Variants in MCC observed in about 807,000 individuals in gnomAD.
The protein encoded by MCC is colorectal mutant cancer protein.
In MCC, 90 loss-of-function variants were observed where a neutral mutation model predicts 116.2. The ratio of observed to expected loss-of-function variants is 0.77; its 90% confidence interval spans 0.65 to 0.92. The LOEUF (loss-of-function observed/expected upper bound fraction) is 0.92, where lower values mean the gene tolerates loss of function less well. Among genes scored for constraint, MCC ranks in the 40% least tolerant of loss-of-function variants. MCC has a pLI of 0.00. For missense variants in MCC, 1,516 were observed against 1,312.2 expected, an observed-to-expected ratio of 1.16 and a Z score of -2.40; for synonymous variants, 578 against 510.5, an observed-to-expected ratio of 1.13 and a Z score of -1.78.
chr5:113,410,695 T>C (rs1393713816), intron 1 of MCC, among the ~76,000 whole-genome samples: 1 of 152,216 alleles, frequency 6.6e-6, no homozygotes, highest in Non-Finnish European at 1.5e-5. Flanking sequence ...CCATGTCGGA[T>C]TGCTGCACCC....
At chr5:113,432,611 C>T (rs1041346662) in intron 1 of MCC, 7 of 152,216 alleles carry the variant, frequency 4.6e-5, no homozygotes, top group Non-Finnish European at 7.3e-5. Flanking sequence ...GATTAACCAA[C>T]TTGCCCAAGA....
At chr5:113,229,669 T>C (rs1763870851) in intron 3 of MCC, among the ~76,000 whole-genome samples, 2 of 152,240 alleles carry the variant, frequency 1.3e-5, no homozygotes, top group African/African-American at 2.4e-5. Context: ...AGGCCACATA[T>C]ACAACGGTGG....
chr5:113,481,649 G>A (rs1772381117), intron 1 of MCC, among the ~76,000 whole-genome samples: 2 of 152,168 alleles, frequency 1.3e-5, no homozygotes, highest in Admixed American at 1.3e-4. Flanking sequence ...TGAGGCAGAA[G>A]AATCGCTTGA....
chr5:113,424,853 T>C (rs1485116055), intron 1 of MCC, among the ~76,000 whole-genome samples: 3 of 149,022 alleles, frequency 2.0e-5, no homozygotes, highest in Admixed American at 6.7e-5. Flanking sequence ...TCCCAGAAAA[T>C]AGAACAGCAA....
chr5:113,437,038 G>T (rs1770884690), intron 1 of MCC: 1 of 151,356 alleles, frequency 6.6e-6, no homozygotes, highest in East Asian at 1.9e-4. Context: ...ATCTTCTGGG[G>T]CTGTCCTGGG....
At chr5:113,416,093 C>A (rs114329666) in intron 1 of MCC, among the ~76,000 whole-genome samples, 4,884 of 152,266 alleles carry the variant, frequency 0.032, 107 homozygotes, top group East Asian at 0.075. Context: ...TGGATATCAC[C>A]AGCAGAGGCT....
intron 3 of MCC, among the ~76,000 whole-genome samples, chr5:113,156,199 G>A (rs1269743166): frequency 3.3e-5 from 5 of 152,172 alleles, no homozygotes; most frequent in East Asian, 1.9e-4. Flanking sequence ...TATACAAAGC[G>A]CTATGAAGTT....
At chr5:113,046,447 T>C (rs4235776) in intron 16 of MCC, among the ~76,000 whole-genome samples, 148,672 of 152,066 alleles carry the variant, frequency 0.98, 72,684 homozygotes, top group East Asian at 1. Flanking sequence ...CCGCCTCGGG[T>C]TCCCAAAGTA....
chr5:113,100,342 T>C (rs766073940), intron 8 of MCC, among the ~76,000 whole-genome samples: 2 of 152,034 alleles, frequency 1.3e-5, no homozygotes, highest in Non-Finnish European at 2.9e-5. Flanking sequence ...AAAAACAAAA[T>C]GATGTACACA....
intron 5 of MCC, among the ~76,000 whole-genome samples, chr5:113,131,462 A>G (rs567491951): frequency 6.6e-6 from 1 of 152,166 alleles, no homozygotes; most frequent in Non-Finnish European, 1.5e-5. Context: ...CCTTATGTAT[A>G]AAGTGTTTAG....
intron 3 of MCC, among the ~76,000 whole-genome samples, chr5:113,172,549 C>G (rs1183387384): frequency 6.6e-6 from 1 of 152,158 alleles, no homozygotes; most frequent in East Asian, 1.9e-4. Flanking sequence ...GTTCTTTCCC[C>G]ACCTCTTACA....
At chr5:113,258,096 G>A (rs777501770) in intron 3 of MCC, among the ~76,000 whole-genome samples, 10 of 152,180 alleles carry the variant, frequency 6.6e-5, no homozygotes, top group Admixed American at 5.2e-4. Flanking sequence ...GTGAATGAGA[G>A]AGAGCTTCCC....
At chr5:113,215,847 A>G (rs1214149578) in intron 3 of MCC, among the ~76,000 whole-genome samples, 1 of 150,856 alleles carries the variant, frequency 6.6e-6, no homozygotes, top group Non-Finnish European at 1.5e-5. Flanking sequence ...GCCAAGTTGA[A>G]GCCATTAGTT....
At chr5:113,395,947 C>T (rs1239720579) in intron 1 of MCC, among the ~76,000 whole-genome samples, 1 of 152,146 alleles carries the variant, frequency 6.6e-6, no homozygotes, top group Non-Finnish European at 1.5e-5. Context: ...TGTTAAAAGG[C>T]TTCCTAAGTA....
rs576662224 is a variant in MCC at position 113,229,162 on chromosome 5, C to T, written c.628-77740G>A. 1.2e-4 allele frequency among the ~76,000 whole-genome samples: 18 copies of T among 152,134 alleles called. No homozygotes were observed. The South Asian group carries it at 3.7e-3, about 32-fold the overall frequency. On this transcript the variant is annotated intron_variant, in intron 3 of 18. Transcript: ENST00000408903. ...AGGACAGGGCTTTAGGACATCCCAACATGGCGGATGGGGAGGGGCTGAAGA... is the reference window on the plus strand; with the variant it reads ...AGGACAGGGCTTTAGGACATCCCAATATGGCGGATGGGGAGGGGCTGAAGA...
chr5:113,050,449 T>C (rs546414305), intron 15 of MCC, among the ~76,000 whole-genome samples: 61 of 152,016 alleles, frequency 4.0e-4, no homozygotes, highest in African/African-American at 1.4e-3. Flanking sequence ...CCTGGGTAAG[T>C]TGGACTAGGG....
chr5:113,277,240 C>T (rs1202082953), intron 3 of MCC, among the ~76,000 whole-genome samples: 2 of 151,352 alleles, frequency 1.3e-5, no homozygotes, highest in African/African-American at 2.4e-5. Context: ...TCATGGCGGG[C>T]ACCTGTAATC....
chr5:113,062,239 T>G (rs926957805), intron 14 of MCC, among the ~76,000 whole-genome samples: 3 of 152,222 alleles, frequency 2.0e-5, no homozygotes, highest in African/African-American at 7.2e-5. Flanking sequence ...TGTTTTGAAT[T>G]TATCTCAATC....
chr5:113,289,973 G>C (rs1252362613), intron 3 of MCC, among the ~76,000 whole-genome samples: 1 of 152,186 alleles, frequency 6.6e-6, no homozygotes, highest in African/African-American at 2.4e-5. Flanking sequence ...AGGCAAAAAA[G>C]GGTGTGTGAA....
Sources: allele counts gnomAD v4.1 joint callset (sites outside exome capture counted in the v4.1 genomes callset), GRCh38; gene constraint gnomAD v4.1.1; transcripts MANE v1.5; gene names NCBI Gene and HGNC (gene_info 2026-07-23, HGNC 2026-07-21).